Variants in PPP1R12B observed in about 807,000 individuals in gnomAD.
PPP1R12B encodes the protein protein phosphatase 1 regulatory subunit 12B.
PPP1R12B carries 76 observed loss-of-function variants against 126.1 expected under a neutral mutation model. The observed-to-expected ratio is 0.60, with a 90% CI of 0.50 to 0.73. The LOEUF (loss-of-function observed/expected upper bound fraction) is 0.73, where lower values mean the gene tolerates loss of function less well. PPP1R12B is among the 30% of genes least tolerant of loss of function. The pLI, the probability that PPP1R12B is intolerant of heterozygous loss-of-function variation, is 0.00. For missense variants in PPP1R12B, 1,052 were observed against 1,205.1 expected, an observed-to-expected ratio of 0.87 and a Z score of 1.88; for synonymous variants, 356 against 434.7, an observed-to-expected ratio of 0.82 and a Z score of 2.25.
At chr1:202,536,526 A>C (rs887984354) in intron 18 of PPP1R12B, among the ~76,000 whole-genome samples, 7 of 152,222 alleles carry the variant, frequency 4.6e-5, no homozygotes, top group African/African-American at 1.7e-4. Flanking sequence ...TGGTGAGTGA[A>C]GGCCTAGGAC....
Position 202,508,872 on chromosome 1 carries a change from TC to T in PPP1R12B, c.2490+12051del, listed in dbSNP as rs1681109958. Reference sequence around the variant, plus strand: ...TCACTTCATCTTTGGCACGTGATGCTCTAGGTCCGCAAACTTTTTATGAAAA... The same window carrying T: ...TCACTTCATCTTTGGCACGTGATGCTTAGGTCCGCAAACTTTTTATGAAAA... On this transcript the variant is annotated intron_variant, in intron 18 of 23. Transcript: ENST00000608999. This position sits in a 1 kb window ranked among gnomAD's most constrained non-coding sequence, Gnocchi z 4.5. Among the ~76,000 whole-genome samples, 1 of 152,236 alleles carries T rather than the reference TC, an allele frequency of 6.6e-6. No individual in the cohort carries two copies. The highest frequency in any genetic ancestry group is 1.5e-5 in the Non-Finnish European group (1 of 68,028).
chr1:202,399,962 A>G (rs1222194425), intron 1 of PPP1R12B, among the ~76,000 whole-genome samples: 1 of 151,968 alleles, frequency 6.6e-6, no homozygotes, highest in East Asian at 1.9e-4. Flanking sequence ...TAGCAAGTGT[A>G]GTACCCAATA....
intron 18 of PPP1R12B, among the ~76,000 whole-genome samples, chr1:202,527,650 G>A (rs1392017817): frequency 5.3e-5 from 8 of 152,036 alleles, no homozygotes; most frequent in African/African-American, 1.7e-4. Context: ...AAGAAGTCCC[G>A]TAACCTTTAA....
Position 202,488,518 on chromosome 1 carries a change from T to G in PPP1R12B, c.1851-15T>G. ...CAAAGATCTTGCTTTTGCTATTACT[T>G]TTTTTTCTCTGCAGGTCCTATCTGA... On this transcript the variant is annotated splice_polypyrimidine_tract_variant and intron_variant, in intron 13 of 23. Transcript: ENST00000608999. The G allele has an allele frequency of 6.3e-7, 1 of 1,578,376 alleles. No individual in the cohort carries two copies. Among genetic ancestry groups the G allele is most frequent in the Non-Finnish European group, 8.7e-7 (1 of 1,152,242 alleles).
At chr1:202,438,334 G>A in intron 10 of PPP1R12B, 1 of 1,233,670 alleles carries the variant, frequency 8.1e-7, no homozygotes, top group Non-Finnish European at 1.1e-6. Context: ...TGGCGGAGGG[G>A]GGCACAGGAC....
intron 1 of PPP1R12B, among the ~76,000 whole-genome samples, chr1:202,402,202 T>C (rs1665945776): frequency 6.6e-6 from 1 of 152,252 alleles, no homozygotes; most frequent in Non-Finnish European, 1.5e-5. Context: ...TTTTGGAACA[T>C]GAGGTTTCTA....
chr1:202,430,652 C>T lies in PPP1R12B; in HGVS notation c.922-79C>T, dbSNP rs1001061438. 5 of 1,484,244 alleles carry T rather than the reference C, an allele frequency of 3.4e-6. No individual in the cohort carries two copies. The African/African-American group carries it at 5.6e-5, about 17-fold the overall frequency. The allele number at this position is 1,484,244 out of a possible 1,614,324, so 91.9% of individuals were successfully genotyped here. ...TCCTATTTTCTTCAGAATGACAGTA[C>T]CATTTTGGTTCTCAATACTGCTGAT... On this transcript the variant is annotated intron_variant, in intron 6 of 23. Transcript: ENST00000608999.
chr1:202,433,196 T>C (rs1266328097), intron 8 of PPP1R12B, among the ~76,000 whole-genome samples: 1 of 152,246 alleles, frequency 6.6e-6, no homozygotes, highest in Admixed American at 6.5e-5. Flanking sequence ...TGATTATTTA[T>C]TGAGTACTTA....
At chr1:202,549,019 G>T (rs1388846760) in intron 18 of PPP1R12B, among the ~76,000 whole-genome samples, 1 of 151,904 alleles carries the variant, frequency 6.6e-6, no homozygotes, top group Non-Finnish European at 1.5e-5. Flanking sequence ...TAAAATACCT[G>T]TTCTGCTCTG....
intron 1 of PPP1R12B, among the ~76,000 whole-genome samples, chr1:202,386,019 C>T (rs1184634883): frequency 6.6e-6 from 1 of 151,614 alleles, no homozygotes; most frequent in African/African-American, 2.4e-5. Flanking sequence ...CTGCAAGCTC[C>T]ACCTCCCGGG....
At chr1:202,404,516 T>C (rs1245851929) in intron 1 of PPP1R12B, among the ~76,000 whole-genome samples, 6 of 152,102 alleles carry the variant, frequency 3.9e-5, no homozygotes, top group Non-Finnish European at 7.3e-5. Context: ...ATTATAATTT[T>C]TTTGAGATGG....
chr1:202,442,453 A>C lies in PPP1R12B; in HGVS notation c.1548A>C (p.Ser516=). The C allele has an allele frequency of 6.2e-7, 1 of 1,609,470 alleles. No individual in the cohort carries two copies. Among genetic ancestry groups the C allele is most frequent in the Non-Finnish European group, 8.5e-7 (1 of 1,178,596 alleles). The change falls in exon 12 of 24, where the codon TCA becomes TCC. Residue 516 remains serine (S), a synonymous_variant. Transcript: ENST00000608999. ...TCCTTTCATGCTTCTACAGAGAATC[A>C]GCTGTTAATCTAGTGAGGAGTGGCT... ...SDIEEKENRE[S]AVNLVRSGSY... is the part of the protein sequence containing the mutation.
At chr1:202,375,974 A>G (rs1277936268) in intron 1 of PPP1R12B, among the ~76,000 whole-genome samples, 1 of 152,058 alleles carries the variant, frequency 6.6e-6, no homozygotes, top group African/African-American at 2.4e-5. Flanking sequence ...TAACTTATTC[A>G]CTGTTATGTT....
chr1:202,378,047 C>T (rs924814048), intron 1 of PPP1R12B, among the ~76,000 whole-genome samples: 3 of 151,542 alleles, frequency 2.0e-5, no homozygotes, highest in Admixed American at 2.0e-4. Flanking sequence ...ACCGTGTTAG[C>T]CAGGATGATC....
chr1:202,510,057 T>C (rs1189607216), intron 18 of PPP1R12B, among the ~76,000 whole-genome samples: 2 of 152,230 alleles, frequency 1.3e-5, no homozygotes, highest in African/African-American at 4.8e-5. Context: ...TTATAGAATA[T>C]GTACTTTTAA....
At chr1:202,539,926 A>C (rs1240969548) in intron 18 of PPP1R12B, 16 of 728,694 alleles carry the variant, frequency 2.2e-5, no homozygotes, top group Non-Finnish European at 3.0e-5. Flanking sequence ...TGAATTGAAA[A>C]TATTGATGGA....
Position 202,588,860 on chromosome 1 carries a change from T to TAGATAGAC in PPP1R12B, c.*8307_*8308insCAGATAGA, listed in dbSNP as rs1689995617. 6.9e-6 allele frequency: 1 copy of TAGATAGAC among 145,748 alleles called. No homozygotes were observed. The highest frequency in any genetic ancestry group is 1.5e-5 in the Non-Finnish European group (1 of 67,616). The allele number at this position is 145,748 out of a possible 1,614,324, so 9.0% of individuals were successfully genotyped here. A position where few individuals can be genotyped will look rare whatever the true frequency, so the allele number is the denominator to read the frequency against. ...ATAGATAGATAGATAGATAGATAGA[T>TAGATAGAC]AGATAGATAGATATCAAGGTTCCAA... On this transcript the variant is annotated 3_prime_UTR_variant, in exon 24 of 24. Coordinates refer to ENST00000608999, the MANE Select transcript of PPP1R12B (RefSeq NM_002481.4).
At chr1:202,351,053 T>G (rs919498521) in intron 1 of PPP1R12B, among the ~76,000 whole-genome samples, 1 of 152,144 alleles carries the variant, frequency 6.6e-6, no homozygotes, top group South Asian at 2.1e-4. Flanking sequence ...GTATACTCGA[T>G]TCTAGACAAA....
intron 1 of PPP1R12B, among the ~76,000 whole-genome samples, chr1:202,359,272 A>T (rs541189306): frequency 4.7e-4 from 71 of 152,008 alleles, no homozygotes; most frequent in African/African-American, 1.5e-3. Context: ...CTGGGATTAG[A>T]GGCATGTGCC....
Sources: gnomAD v4.1 joint callset for allele counts (sites outside exome capture counted in the v4.1 genomes callset) on GRCh38, gnomAD v4.1.1 for gene constraint, Gnocchi (gnomAD v3.1) non-coding constraint, MANE v1.5 for transcripts, NCBI Gene and HGNC (gene_info 2026-07-23, HGNC 2026-07-21) for gene names.